The following ERBB4 variants were observed in gnomAD, a reference collection of about 807,000 sequenced individuals.
ERBB4 encodes the protein erb-b2 receptor tyrosine kinase 4.
A neutral mutation model predicts 158.0 loss-of-function variants in ERBB4; 42 were observed. The ratio of observed to expected loss-of-function variants is 0.27; its 90% CI spans 0.21 to 0.34. The LOEUF is 0.34. Among genes scored for constraint, ERBB4 ranks in the 10% least tolerant of loss-of-function variants. The pLI, the probability that ERBB4 is intolerant of heterozygous loss-of-function variation, is 1.00. For missense variants in ERBB4, 1,333 were observed against 1,624.1 expected, an observed-to-expected ratio of 0.82 and a Z score of 3.08; for synonymous variants, 583 against 558.7, an observed-to-expected ratio of 1.04 and a Z score of -0.61.
Position 212,119,506 on chromosome 2 carries a change from C to T in ERBB4, c.234+5246G>A, listed in dbSNP as rs188517868. On this transcript the variant is annotated intron_variant, in intron 2 of 27. Coordinates refer to ENST00000342788, the MANE Select transcript of ERBB4 (RefSeq NM_005235.3). ...TCTAATAGTTCATTCCCATTACTTA[C>T]TACATTTTGCCTTGTTTTAAAGAGT... Among the ~76,000 whole-genome samples, 529 of 152,234 alleles carry T rather than the reference C, an allele frequency of 3.5e-3. 2 individuals are homozygous for T. Among genetic ancestry groups the T allele is most frequent in the Non-Finnish European group, 4.3e-3 (293 of 67,986 alleles).
chr2:211,627,628 C>T (rs2069913433), intron 17 of ERBB4, among the ~76,000 whole-genome samples: 1 of 152,164 alleles, frequency 6.6e-6, no homozygotes, highest in Admixed American at 6.5e-5. Context: ...CCCATTCCTC[C>T]CATTCCTGTC....
chr2:211,438,692 A>C (rs1238549776), intron 20 of ERBB4, among the ~76,000 whole-genome samples: 1 of 152,142 alleles, frequency 6.6e-6, no homozygotes, highest in Admixed American at 6.6e-5. Context: ...TAGGTGCAAT[A>C]GCTTCTCATT....
intron 1 of ERBB4, among the ~76,000 whole-genome samples, chr2:212,439,970 G>C (rs1417345897): frequency 6.6e-6 from 1 of 152,142 alleles, no homozygotes; most frequent in East Asian, 1.9e-4. Flanking sequence ...TCAACTATCG[G>C]AATTTGGTGC....
intron 1 of ERBB4, among the ~76,000 whole-genome samples, chr2:212,399,869 T>G (rs1442862709): frequency 6.6e-6 from 1 of 151,622 alleles, no homozygotes; most frequent in Non-Finnish European, 1.5e-5. Flanking sequence ...CAGAGCAAGA[T>G]TCTGTCTCAA....
chr2:211,915,029 G>A (rs1318869410), intron 3 of ERBB4, among the ~76,000 whole-genome samples: 1 of 152,092 alleles, frequency 6.6e-6, no homozygotes, highest in Non-Finnish European at 1.5e-5. Context: ...GAAAAGGTTA[G>A]GGAGAAGCAG....
At chr2:212,242,149 A>G (rs1559827044) in intron 1 of ERBB4, among the ~76,000 whole-genome samples, 1 of 151,874 alleles carries the variant, frequency 6.6e-6, no homozygotes, top group Non-Finnish European at 1.5e-5. Context: ...TTACAATTTT[A>G]TATACCTGAT....
intron 19 of ERBB4, among the ~76,000 whole-genome samples, chr2:211,576,814 C>A (rs1379033027): frequency 6.6e-6 from 1 of 152,132 alleles, no homozygotes; most frequent in South Asian, 2.1e-4. Context: ...ACTTAAAAAA[C>A]TGAATGCAAG....
At chr2:211,884,136 G>A (rs142158668) in intron 3 of ERBB4, among the ~76,000 whole-genome samples, 8 of 152,184 alleles carry the variant, frequency 5.3e-5, no homozygotes, top group Admixed American at 2.0e-4. Flanking sequence ...GCTCTATTAC[G>A]TTTAAACACC....
At chr2:211,755,328 C>A (rs923452665) in intron 4 of ERBB4, among the ~76,000 whole-genome samples, 1 of 152,018 alleles carries the variant, frequency 6.6e-6, no homozygotes, top group African/African-American at 2.4e-5. Flanking sequence ...ATGGCAAAAC[C>A]CGGCCTCTAC....
chr2:212,281,345 T>A (rs1301275108), intron 1 of ERBB4, among the ~76,000 whole-genome samples: 1 of 151,716 alleles, frequency 6.6e-6, no homozygotes, highest in Admixed American at 6.6e-5. Context: ...TTTAAAAGTG[T>A]GCAATAGGTA....
At chr2:211,715,075 A>G (rs1011427401) in intron 7 of ERBB4, among the ~76,000 whole-genome samples, 2 of 152,222 alleles carry the variant, frequency 1.3e-5, no homozygotes, top group Non-Finnish European at 2.9e-5. Flanking sequence ...CAGAGACAAG[A>G]GAAAATCTTA....
chr2:211,823,236 G>C (rs1439246), intron 3 of ERBB4, among the ~76,000 whole-genome samples: 42,095 of 151,788 alleles, frequency 0.28, 6,267 homozygotes, highest in East Asian at 0.42. Flanking sequence ...GGGGCAATAG[G>C]TAAGTGAAAC....
In ERBB4 at chr2:212,538,520, G is replaced by T. The variant is rs748663394; in HGVS notation, c.11C>A (p.Ala4Glu). MKP[A>E]TGLWVWVSLL... Reference sequence around the variant, plus strand: ...GCTCACCCAGACCCAAAGTCCTGTCGCCGGCTTCATTTTTTGGAAGTCTCA... The same window carrying T: ...GCTCACCCAGACCCAAAGTCCTGTCTCCGGCTTCATTTTTTGGAAGTCTCA... Residue 4 changes from alanine (A) to glutamate (E), a missense_variant, in exon 1 of 28, where the codon GCG (alanine) becomes GAG (glutamate). By Grantham distance (107) the Ala-to-Glu change is moderately radical. Transcript: ENST00000342788. The T allele has an allele frequency of 1.0e-4, 163 of 1,613,926 alleles. No homozygotes were observed. Among genetic ancestry groups the T allele is most frequent in the Non-Finnish European group, 1.4e-4 (160 of 1,179,928 alleles).
At chr2:212,215,706 A>C (rs539814484) in intron 1 of ERBB4, among the ~76,000 whole-genome samples, 2 of 151,520 alleles carry the variant, frequency 1.3e-5, no homozygotes, top group South Asian at 2.1e-4. Flanking sequence ...TGCTAAAAAA[A>C]AATCTTGTGA....
At position 211,679,204 on chromosome 2, in the gene ERBB4, A is replaced by G; in HGVS notation, c.1490-20T>C. 1 of 1,612,556 alleles carries G rather than the reference A, an allele frequency of 6.2e-7. No homozygotes were observed. The highest frequency in any genetic ancestry group is 1.1e-5 in the South Asian group (1 of 90,998). ...CAGCAGCTGTGAAACACCAAAATCA[A>G]GGGGAAATAAAACAGAGGATTGTGT... On this transcript the variant is annotated intron_variant, in intron 12 of 27. Coordinates refer to ENST00000342788, the MANE Select transcript of ERBB4 (RefSeq NM_005235.3).
intron 1 of ERBB4, among the ~76,000 whole-genome samples, chr2:212,352,269 G>A (rs1553623495): frequency 6.6e-6 from 1 of 151,026 alleles, no homozygotes; most frequent in Non-Finnish European, 1.5e-5. Flanking sequence ...ATCCCAGGAT[G>A]TGAGTATACC....
chr2:212,375,403 C>A (rs956648565), intron 1 of ERBB4, among the ~76,000 whole-genome samples: 1 of 152,046 alleles, frequency 6.6e-6, no homozygotes, highest in Non-Finnish European at 1.5e-5. Flanking sequence ...CTAATCTTGC[C>A]TGATCTTTTA....
At chr2:212,223,377 T>C (rs969253160) in intron 1 of ERBB4, among the ~76,000 whole-genome samples, 1 of 147,248 alleles carries the variant, frequency 6.8e-6, no homozygotes, top group Non-Finnish European at 1.5e-5. Context: ...AAGATAGATA[T>C]ATACCTATAT....
intron 1 of ERBB4, among the ~76,000 whole-genome samples, chr2:212,521,000 A>T (rs1224639013): frequency 6.6e-6 from 1 of 151,926 alleles, no homozygotes; most frequent in South Asian, 2.1e-4. Context: ...ATTATCTTCT[A>T]TGTGACAAAT....
Sources: gnomAD v4.1 joint callset for allele counts (sites outside exome capture counted in the v4.1 genomes callset) on GRCh38, gnomAD v4.1.1 for gene constraint, MANE v1.5 for transcripts, NCBI Gene and HGNC (gene_info 2026-07-23, HGNC 2026-07-21) for gene names.